Variants in CSMD1 observed in about 807,000 individuals in gnomAD.
CSMD1 encodes CUB and Sushi multiple domains 1.
A neutral mutation model predicts 417.5 loss-of-function variants in CSMD1; 213 were observed. That is an observed-to-expected ratio of 0.51 (90% CI 0.46 to 0.57). The LOEUF is 0.57. CSMD1 is among the 20% of genes least tolerant of loss of function. CSMD1 has a pLI of 0.00. For missense variants in CSMD1, 6,923 were observed against 4,529.7 expected, an observed-to-expected ratio of 1.53 and a Z score of -15.17; for synonymous variants, 2,862 against 1,736.8, an observed-to-expected ratio of 1.65 and a Z score of -16.11.
intron 10 of CSMD1, among the ~76,000 whole-genome samples, chr8:3,527,775 T>C (rs1343978278): frequency 6.6e-6 from 1 of 152,188 alleles, no homozygotes; most frequent in Non-Finnish European, 1.5e-5. Context: ...TTCAACCCTT[T>C]GGATCTGTAA....
In CSMD1 at chr8:4,443,164, G is replaced by T. The variant is rs73660818; in HGVS notation, c.303-23099C>A. 5.4e-3 allele frequency among the ~76,000 whole-genome samples: 819 copies of T among 152,232 alleles called. 8 individuals carry two copies. Among genetic ancestry groups the T allele is most frequent in the African/African-American group, 0.019 (775 of 41,540 alleles). ...AGTATCTTATTCCTCCTTTTAAATGGTAGAATTCTTACAGTGATATATTAC... is the reference window on the plus strand; with the variant it reads ...AGTATCTTATTCCTCCTTTTAAATGTTAGAATTCTTACAGTGATATATTAC... On this transcript the variant is annotated intron_variant, in intron 2 of 69. Coordinates refer to ENST00000635120, the MANE Select transcript of CSMD1 (RefSeq NM_033225.6).
intron 37 of CSMD1, among the ~76,000 whole-genome samples, chr8:3,168,412 G>A (rs943957112): frequency 2.6e-5 from 4 of 152,206 alleles, no homozygotes; most frequent in African/African-American, 7.2e-5. Context: ...GGTGCTGCTC[G>A]TTATTTTTGT....
At chr8:3,255,556 C>G (rs1367498928) in intron 26 of CSMD1, among the ~76,000 whole-genome samples, 3 of 152,210 alleles carry the variant, frequency 2.0e-5, no homozygotes, top group Non-Finnish European at 4.4e-5. Flanking sequence ...CCTACTCAAG[C>G]CTGTGCAATG....
intron 1 of CSMD1, among the ~76,000 whole-genome samples, chr8:4,645,750 G>A (rs191822210): frequency 3.3e-5 from 5 of 152,218 alleles, no homozygotes; most frequent in East Asian, 3.9e-4. Context: ...AGAATTTTAC[G>A]TGAAAGATGA....
At chr8:3,805,172 C>T (rs1371953096) in intron 5 of CSMD1, among the ~76,000 whole-genome samples, 1 of 152,148 alleles carries the variant, frequency 6.6e-6, no homozygotes, top group East Asian at 1.9e-4. Flanking sequence ...AAAGAGACCA[C>T]AATATTCCCC....
At chr8:4,258,674 C>A (rs186472126) in intron 3 of CSMD1, among the ~76,000 whole-genome samples, 1 of 150,552 alleles carries the variant, frequency 6.6e-6, no homozygotes, top group African/African-American at 2.4e-5. Flanking sequence ...AAGTAATCAC[C>A]TTCCAGAGGA....
intron 1 of CSMD1, among the ~76,000 whole-genome samples, chr8:4,987,201 C>G (rs1258810077): frequency 6.6e-6 from 1 of 152,142 alleles, no homozygotes; most frequent in Non-Finnish European, 1.5e-5. Context: ...CCAAAATCCA[C>G]TTATTCAGAA....
intron 3 of CSMD1, among the ~76,000 whole-genome samples, chr8:4,118,659 T>A (rs1259294671): frequency 2.6e-5 from 4 of 152,208 alleles, no homozygotes; most frequent in African/African-American, 9.6e-5. Context: ...GTAAATTAGT[T>A]CAACCATTGT....
At chr8:3,289,638 C>G (rs1712025169) in intron 25 of CSMD1, among the ~76,000 whole-genome samples, 1 of 145,866 alleles carries the variant, frequency 6.9e-6, no homozygotes, top group Non-Finnish European at 1.5e-5. Context: ...TGAGAAGTGT[C>G]TGTTCATATC....
intron 3 of CSMD1, among the ~76,000 whole-genome samples, chr8:4,178,325 A>G (rs1247194050): frequency 6.6e-6 from 1 of 151,652 alleles, no homozygotes; most frequent in East Asian, 1.9e-4. Context: ...ACCAAAGACA[A>G]AAACCACATG....
intron 3 of CSMD1, among the ~76,000 whole-genome samples, chr8:4,262,200 C>A (rs533945578): frequency 1.8e-4 from 27 of 152,276 alleles, no homozygotes; most frequent in African/African-American, 6.5e-4. Flanking sequence ...GGGTGAATTT[C>A]AGCCTGTGGA....
At chr8:4,085,155 A>C (rs906464216) in intron 3 of CSMD1, among the ~76,000 whole-genome samples, 23 of 152,300 alleles carry the variant, frequency 1.5e-4, no homozygotes, top group Middle Eastern at 3.4e-3. Context: ...TGAAGGCGTC[A>C]CCATTACAGA....
chr8:3,207,630 C>T (rs57043292), intron 30 of CSMD1, among the ~76,000 whole-genome samples: 7,048 of 152,138 alleles, frequency 0.046, 193 homozygotes, highest in South Asian at 0.087. Flanking sequence ...CAAGAAATTT[C>T]CTGAATCCCT....
intron 5 of CSMD1, among the ~76,000 whole-genome samples, chr8:3,972,041 G>A (rs967264619): frequency 1.3e-5 from 2 of 151,930 alleles, no homozygotes; most frequent in Non-Finnish European, 2.9e-5. Flanking sequence ...TAAGTAATTT[G>A]TAAATTTTTC....
chr8:3,258,144 G>T (rs958163689), intron 26 of CSMD1, among the ~76,000 whole-genome samples: 1 of 152,088 alleles, frequency 6.6e-6, no homozygotes, highest in East Asian at 1.9e-4. Context: ...ATATGAGAAT[G>T]AACAGGGTAA....
At chr8:3,407,758 T>C (rs1812444347) in intron 14 of CSMD1, 141 bp downstream of exon 14, 2 of 775,860 alleles carry the variant, frequency 2.6e-6, no homozygotes, top group Non-Finnish European at 4.1e-6. Context: ...AACACTATAA[T>C]TTTACTACTG....
At chr8:3,384,720 A>AATAT (rs10662888) in intron 18 of CSMD1, among the ~76,000 whole-genome samples, 76,841 of 117,934 alleles carry the variant, frequency 0.65, 25,274 homozygotes, top group Middle Eastern at 0.77. Context: ...ATATATTTAT[A>AATAT]ATATTTATAT....
At chr8:3,692,114 G>A (rs1284107466) in intron 7 of CSMD1, among the ~76,000 whole-genome samples, 1 of 152,116 alleles carries the variant, frequency 6.6e-6, no homozygotes, top group African/African-American at 2.4e-5. Flanking sequence ...AGAGGCCTGG[G>A]GAAGCCACTG....
At position 4,127,483 on chromosome 8, in the gene CSMD1, A is replaced by G. The variant is rs1205804596; in HGVS notation, c.416-95384T>C. On this transcript the variant is annotated intron_variant, in intron 3 of 69. Transcript: ENST00000635120. Reference sequence around the variant, plus strand: ...AAAAAAAAAAAAAAAAAAAAAAGAAAATCATAAAAACTAACTTCAACTGCA... The same window carrying G: ...AAAAAAAAAAAAAAAAAAAAAAGAAGATCATAAAAACTAACTTCAACTGCA... Among the ~76,000 whole-genome samples, 3 of 144,798 alleles carry G rather than the reference A, an allele frequency of 2.1e-5. No homozygotes were observed. The East Asian group carries it at 6.1e-4, about 29-fold the overall frequency. The allele number at this position is 144,798 out of a possible 152,430, so 95.0% of individuals were successfully genotyped here. A position where few individuals can be genotyped will look rare whatever the true frequency, so the allele number is the denominator to read the frequency against.
Sources: allele counts gnomAD v4.1 joint callset (sites outside exome capture counted in the v4.1 genomes callset), GRCh38; gene constraint gnomAD v4.1.1; transcripts MANE v1.5; gene names NCBI Gene and HGNC (gene_info 2026-07-23, HGNC 2026-07-21).